Variants in CLDN11 observed in about 807,000 individuals in gnomAD.
The protein encoded by CLDN11 is claudin 11.
A neutral mutation model predicts 18.0 loss-of-function variants in CLDN11; 1 was observed. The observed-to-expected ratio is 0.06, with a 90% CI of 0.02 to 0.26. CLDN11 has a LOEUF of 0.26. Among genes scored for constraint, CLDN11 ranks in the 10% least tolerant of loss-of-function variants. CLDN11 has a pLI of 1.00. For missense variants in CLDN11, 172 were observed against 276.6 expected (o/e 0.62, Z 2.68); for synonymous variants, 116 against 121.5 (o/e 0.96, Z 0.30).
intron 2 of CLDN11, among the ~76,000 whole-genome samples, chr3:170,431,624 T>C (rs925366992): frequency 6.6e-6 from 1 of 152,232 alleles, no homozygotes; most frequent in Non-Finnish European, 1.5e-5. Context: ...AAAGTCTTTA[T>C]AGCCTCTTGC....
chr3:170,425,833 G>A (rs1182716216), intron 2 of CLDN11, among the ~76,000 whole-genome samples: 2 of 152,200 alleles, frequency 1.3e-5, no homozygotes, highest in East Asian at 3.8e-4. Context: ...CCTTTGGGCT[G>A]GATGTTGTTT....
intron 2 of CLDN11, among the ~76,000 whole-genome samples, chr3:170,430,020 C>G (rs1399172224): frequency 6.6e-6 from 1 of 152,228 alleles, no homozygotes; most frequent in Non-Finnish European, 1.5e-5. Flanking sequence ...GCTTTTCACT[C>G]CCCTTCTTTT....
chr3:170,433,561 G>T lies in CLDN11; in HGVS notation c.*805G>T, dbSNP rs926365992. Reference sequence around the variant, plus strand: ...AAAGATAGCATTGGGGACATGGGATGGGGGAGGGAGGGCAATAGTGGAACG... The same window carrying T: ...AAAGATAGCATTGGGGACATGGGATTGGGGAGGGAGGGCAATAGTGGAACG... On this transcript the variant is annotated 3_prime_UTR_variant, in exon 3 of 3. Transcript: ENST00000064724. 6.6e-6 allele frequency: 1 copy of T among 152,558 alleles called. No individual in the cohort carries two copies. Among genetic ancestry groups the T allele is most frequent in the East Asian group, 1.9e-4 (1 of 5,192 alleles). The allele number at this position is 152,558 out of a possible 1,614,324, so 9.5% of individuals were successfully genotyped here.
chr3:170,427,383 A>T (rs573162585), intron 2 of CLDN11, among the ~76,000 whole-genome samples: 2 of 152,284 alleles, frequency 1.3e-5, no homozygotes, highest in Admixed American at 1.3e-4. Context: ...GCACTTTGGG[A>T]GGCTGAGGTG....
At chr3:170,423,125 T>C in intron 1 of CLDN11, 38 bp from the exon 2 acceptor site, 1 of 1,611,884 alleles carries the variant, frequency 6.2e-7, no homozygotes, top group Non-Finnish European at 8.5e-7. Flanking sequence ...AAGAGAACCC[T>C]GTGGTCTAAC....
At chr3:170,427,530 A>G (rs1055873073) in intron 2 of CLDN11, among the ~76,000 whole-genome samples, 6 of 152,164 alleles carry the variant, frequency 3.9e-5, no homozygotes, top group African/African-American at 1.4e-4. Context: ...CTGAGGCAGG[A>G]GAATCACTTG....
chr3:170,427,867 G>A (rs1448276266), intron 2 of CLDN11, among the ~76,000 whole-genome samples: 1 of 150,654 alleles, frequency 6.6e-6, no homozygotes, highest in Non-Finnish European at 1.5e-5. Flanking sequence ...TTGAAAAAAG[G>A]TTCACTGGGG....
chr3:170,427,014 C>T (rs748182097), intron 2 of CLDN11, among the ~76,000 whole-genome samples: 8 of 151,984 alleles, frequency 5.3e-5, no homozygotes, highest in African/African-American at 1.2e-4. Context: ...ACTCCTGAGC[C>T]GTGAGCCACC....
chr3:170,432,849 C>A lies in CLDN11; in HGVS notation c.*93C>A. 1.6e-6 allele frequency: 2 copies of A among 1,248,308 alleles called. No homozygotes were observed. Among genetic ancestry groups the A allele is most frequent in the Non-Finnish European group, 2.3e-6 (2 of 861,508 alleles). The allele number at this position is 1,248,308 out of a possible 1,614,324, so 77.3% of individuals were successfully genotyped here. On this transcript the variant is annotated 3_prime_UTR_variant, in exon 3 of 3. Transcript: ENST00000064724. ...CAGTGTGGGGAAGCCCATTCCTCTG[C>A]CAGGCTCTAAAGCCAAAGGTCTAGA...
Position 170,419,373 on chromosome 3 carries a change from C to G in CLDN11, c.226+81C>G, listed in dbSNP as rs1738665650. 9.6e-7 allele frequency: 1 copy of G among 1,046,436 alleles called. No individual in the cohort carries two copies. Among genetic ancestry groups the G allele is most frequent in the African/African-American group, 1.6e-5 (1 of 62,526 alleles). The allele number at this position is 1,046,436 out of a possible 1,614,324, so 64.8% of individuals were successfully genotyped here. On this transcript the variant is annotated intron_variant, in intron 1 of 2. Transcript: ENST00000064724. This position sits in a 1 kb window ranked among gnomAD's most constrained non-coding sequence, Gnocchi z 8.6. ...GGGATATTAGACGGCGTCACAGAGACATTTTGGGGGCTTGAAGACCTTTGG... is the reference window on the plus strand; with the variant it reads ...GGGATATTAGACGGCGTCACAGAGAGATTTTGGGGGCTTGAAGACCTTTGG...
At chr3:170,426,538 T>C (rs1463214551) in intron 2 of CLDN11, among the ~76,000 whole-genome samples, 1 of 152,224 alleles carries the variant, frequency 6.6e-6, no homozygotes, top group East Asian at 1.9e-4. Flanking sequence ...TACTACTTTC[T>C]AGCTGTGTGA....
chr3:170,429,823 G>C (rs1266268856), intron 2 of CLDN11, among the ~76,000 whole-genome samples: 1 of 152,152 alleles, frequency 6.6e-6, no homozygotes, highest in East Asian at 1.9e-4. Flanking sequence ...AATAGATGTG[G>C]GGAATGCTTT....
At chr3:170,426,860 C>T (rs879931018) in intron 2 of CLDN11, among the ~76,000 whole-genome samples, 3 of 152,178 alleles carry the variant, frequency 2.0e-5, no homozygotes, top group Non-Finnish European at 2.9e-5. Context: ...TGGCTCACTG[C>T]AACCTCTGCC....
At chr3:170,431,251 A>G (rs1175662723) in intron 2 of CLDN11, among the ~76,000 whole-genome samples, 1 of 152,172 alleles carries the variant, frequency 6.6e-6, no homozygotes, top group Non-Finnish European at 1.5e-5. Flanking sequence ...AATCAGAAAA[A>G]AGCTTGCTGA....
At chr3:170,432,408 G>A in intron 2 of CLDN11, 116 bp from the exon 3 acceptor site, 1 of 1,517,376 alleles carries the variant, frequency 6.6e-7, no homozygotes, top group East Asian at 2.4e-5. Flanking sequence ...TGTGTGTATG[G>A]AGCTTTTTGG....
Position 170,433,102 on chromosome 3 carries a change from T to C in CLDN11, c.*346T>C, listed in dbSNP as rs1379673388. 1 of 63,086 alleles carries C rather than the reference T, an allele frequency of 1.6e-5. No homozygotes were observed. Among genetic ancestry groups the C allele is most frequent in the Admixed American group, 2.2e-4 (1 of 4,458 alleles). 3.9% of individuals were successfully genotyped at this position (63,086 alleles called of 1,614,324 possible). On this transcript the variant is annotated 3_prime_UTR_variant, in exon 3 of 3. Transcript: ENST00000064724. ...GTTTTGCAAACATCACTGAGTTAGG[T>C]GGGGGTGGGGAAGAGAAATACAAGA... is the stretch of plus-strand genomic sequence containing the variant.
intron 2 of CLDN11, among the ~76,000 whole-genome samples, chr3:170,428,673 C>G (rs145678034): frequency 6.6e-6 from 1 of 152,208 alleles, no homozygotes; most frequent in Non-Finnish European, 1.5e-5. Flanking sequence ...GTTTTACTTT[C>G]TGTTTTCCAA....
Position 170,428,965 on chromosome 3 carries a change from T to G in CLDN11, c.392-3559T>G, listed in dbSNP as rs1320505157. 5.9e-5 allele frequency among the ~76,000 whole-genome samples: 9 copies of G among 152,200 alleles called. No homozygotes were observed. In the East Asian group the frequency reaches 1.2e-3, roughly 20 times the overall value. On this transcript the variant is annotated intron_variant, in intron 2 of 2. Transcript: ENST00000064724. ...ACCATTCCAAACTCATCTTTTTGGG[T>G]TTGCGAATAAAATTAAAACTATCAG... is the stretch of plus-strand genomic sequence containing the variant.
intron 2 of CLDN11, among the ~76,000 whole-genome samples, chr3:170,430,044 C>A (rs773701908): frequency 2.6e-5 from 4 of 152,168 alleles, no homozygotes; most frequent in Admixed American, 1.3e-4. Flanking sequence ...TCTAAACAAG[C>A]CTGGGTGTTT....
Sources: gnomAD v4.1 joint callset for allele counts (sites outside exome capture counted in the v4.1 genomes callset) on GRCh38, gnomAD v4.1.1 for gene constraint, Gnocchi (gnomAD v3.1) non-coding constraint, MANE v1.5 for transcripts, NCBI Gene and HGNC (gene_info 2026-07-23, HGNC 2026-07-21) for gene names.